RAVER1: variants seen among roughly 807,000 people sequenced by gnomAD.
RAVER1 encodes ribonucleoprotein, PTB binding 1.
A neutral mutation model predicts 68.4 loss-of-function variants in RAVER1; 36 were observed. The ratio of observed to expected loss-of-function variants is 0.53; its 90% CI spans 0.40 to 0.70. The LOEUF (loss-of-function observed/expected upper bound fraction) is 0.70, where lower values mean the gene tolerates loss of function less well. RAVER1 is among the 30% of genes least tolerant of loss of function. RAVER1 has a pLI of 0.00. For synonymous variants in RAVER1, 469 were observed against 472.7 expected, an observed-to-expected ratio of 0.99 and a Z score of 0.10; for missense variants, 933 against 1,019.8, an observed-to-expected ratio of 0.91 and a Z score of 1.16.
chr19:10,322,543 G>A lies in RAVER1; in HGVS notation c.1173+102C>T, dbSNP rs2040445453. ...CCCTCACCCTGGTTCTGCGCCCCCAGGGCACAGCCAGAGGTCCCCCCACCC... is the reference window on the plus strand; with the variant it reads ...CCCTCACCCTGGTTCTGCGCCCCCAAGGCACAGCCAGAGGTCCCCCCACCC... On this transcript the variant is annotated intron_variant, in intron 6 of 12. Coordinates refer to ENST00000617231, the MANE Select transcript of RAVER1 (RefSeq NM_133452.3). The surrounding 1 kb of genome is among the most constrained non-coding windows in gnomAD (Gnocchi z 4.3). The A allele has an allele frequency of 1.2e-6, 1 of 848,560 alleles. No homozygotes were observed. The highest frequency in any genetic ancestry group is 1.8e-6 in the Non-Finnish European group (1 of 560,596). 52.6% of individuals were successfully genotyped at this position (848,560 alleles called of 1,614,324 possible).
At position 10,328,612 on chromosome 19, in the gene RAVER1, C is replaced by T; in HGVS notation, c.756+30G>A. ...CTCTCAGGTGCTCCGGGCCTGGCAC[C>T]TGCTCCCCAATGCTCTCCACAGGGC... On this transcript the variant is annotated intron_variant, in intron 3 of 12. Coordinates refer to ENST00000617231, the MANE Select transcript of RAVER1 (RefSeq NM_133452.3). The surrounding 1 kb of genome is among the most constrained non-coding windows in gnomAD (Gnocchi z 4.4). 6.8e-7 allele frequency: 1 copy of T among 1,475,204 alleles called. No homozygotes were observed. The highest frequency in any genetic ancestry group is 9.2e-7 in the Non-Finnish European group (1 of 1,086,324). The allele number at this position is 1,475,204 out of a possible 1,614,324, so 91.4% of individuals were successfully genotyped here. A position where few individuals can be genotyped will look rare whatever the true frequency, so the allele number is the denominator to read the frequency against.
intron 3 of RAVER1, among the ~76,000 whole-genome samples, chr19:10,326,818 G>A (rs281421): frequency 0.23 from 33,594 of 146,434 alleles, 4,072 homozygotes; most frequent in Middle Eastern, 0.29. Context: ...CCAGGCTGGA[G>A]TACAGTGGCG....
At chr19:10,321,914 G>A (rs896615023) in intron 6 of RAVER1, 3 of 247,976 alleles carry the variant, frequency 1.2e-5, no homozygotes, top group Non-Finnish European at 2.3e-5. Flanking sequence ...GCCACTTTTA[G>A]TCACAGAAGG....
intron 1 of RAVER1, among the ~76,000 whole-genome samples, chr19:10,331,593 A>G (rs79709391): frequency 0.029 from 4,364 of 148,666 alleles, 84 homozygotes; most frequent in East Asian, 0.049. Context: ...GACTGAGGCA[A>G]GACAATTGCT....
At position 10,317,086 on chromosome 19, in the gene RAVER1, G is replaced by C. The variant is rs1201260633; in HGVS notation, c.*368C>G. 2 of 300,598 alleles carry C rather than the reference G, an allele frequency of 6.7e-6. No individual in the cohort carries two copies. The highest frequency in any genetic ancestry group is 1.2e-5 in the Non-Finnish European group (2 of 160,028). The allele number at this position is 300,598 out of a possible 1,614,324, so 18.6% of individuals were successfully genotyped here. A position where few individuals can be genotyped will look rare whatever the true frequency, so the allele number is the denominator to read the frequency against. On this transcript the variant is annotated 3_prime_UTR_variant, in exon 13 of 13. Coordinates refer to ENST00000617231, the MANE Select transcript of RAVER1 (RefSeq NM_133452.3). The surrounding 1 kb of genome is among the most constrained non-coding windows in gnomAD (Gnocchi z 4.3). ...AGGAGACAGTCTCTGTATCTTCACG[G>C]GAGGTCAGGGAAACCTCCAAGGCAC... is the stretch of plus-strand genomic sequence containing the variant.
chr19:10,331,683 T>TAAAAAA, intron 1 of RAVER1, among the ~76,000 whole-genome samples: 1 of 3,356 alleles, frequency 3.0e-4, no homozygotes, highest in Non-Finnish European at 7.3e-4. Flanking sequence ...AGACTCCGTC[T>TAAAAAA]CAAAAAAAAA....
intron 6 of RAVER1, 71 bp from the exon 7 acceptor site, chr19:10,321,689 A>G: frequency 8.0e-7 from 1 of 1,257,114 alleles, no homozygotes; most frequent in South Asian, 2.7e-5. Flanking sequence ...TGTGGCCCAG[A>G]GTCTTGGCAG....
chr19:10,321,565 C>T lies in RAVER1; in HGVS notation c.1227G>A (p.Gln409=). The T allele has an allele frequency of 7.3e-7, 1 of 1,374,132 alleles. No individual in the cohort carries two copies. 85.1% of individuals were successfully genotyped at this position (1,374,132 alleles called of 1,614,324 possible). A position where few individuals can be genotyped will look rare whatever the true frequency, so the allele number is the denominator to read the frequency against. The change falls in exon 7 of 13, where the codon CAG becomes CAA. Residue 409 remains glutamine, a synonymous_variant. Coordinates refer to ENST00000617231, the MANE Select transcript of RAVER1 (RefSeq NM_133452.3). ...SPLGALQPGA[Q]PANPLLGELP... ...GCTCCCCGAGGAGGGGGTTGGCTGG[C>T]TGGGCCCCAGGCTGGAGGGCGCCCA...
Position 10,321,033 on chromosome 19 carries a change from AGGGCAGGG to A in RAVER1, c.1473+7_1473+14del. ...AGGAGGCTGGTGTGGTGCCGCGCGC[AGGGCAGGG>A]CCTTACCCCAGGGGGCGTCGGCAGA... On this transcript the variant is annotated splice_region_variant and intron_variant, in intron 8 of 12. Transcript: ENST00000617231. 7.0e-7 allele frequency: 1 copy of A among 1,437,434 alleles called. No homozygotes were observed. Among genetic ancestry groups the A allele is most frequent in the Non-Finnish European group, 9.1e-7 (1 of 1,098,294 alleles). The allele number at this position is 1,437,434 out of a possible 1,614,324, so 89.0% of individuals were successfully genotyped here. A position where few individuals can be genotyped will look rare whatever the true frequency, so the allele number is the denominator to read the frequency against.
intron 8 of RAVER1, 27 bp downstream of exon 8, chr19:10,321,021 G>A (rs2040432812): frequency 4.8e-6 from 7 of 1,460,714 alleles, no homozygotes; most frequent in Non-Finnish European, 6.3e-6. Flanking sequence ...AGGCTGGTGT[G>A]GTGCCGCGCG....
intron 1 of RAVER1, among the ~76,000 whole-genome samples, chr19:10,331,944 C>T (rs1285537811): frequency 1.3e-5 from 2 of 152,104 alleles, no homozygotes; most frequent in South Asian, 4.1e-4. Flanking sequence ...GGTTCACATG[C>T]CTCCCAATTT....
rs773516441 is a variant in RAVER1 at position 10,322,727 on chromosome 19, G to A, written c.1091C>T (p.Ala364Val). Residue 364 changes from alanine to valine, a missense_variant, in exon 6 of 13, where the codon GCC (alanine) becomes GTC (valine). Transcript: ENST00000617231. The surrounding 1 kb of genome is among the most constrained non-coding windows in gnomAD (Gnocchi z 4.3). Reference protein sequence around the residue: ...SAGGKQGLLGAPPAMPLLNGP... With the variant: ...SAGGKQGLLGVPPAMPLLNGP... ...ATTGAGCAGCGGCATGGCTGGGGGG[G>A]CACCCAGGAGGCCTGGAGGGAGACA... is the stretch of plus-strand genomic sequence containing the variant. 6.6e-7 allele frequency: 1 copy of A among 1,506,380 alleles called. No homozygotes were observed. Among genetic ancestry groups the A allele is most frequent in the South Asian group, 1.4e-5 (1 of 73,804 alleles). The allele number at this position is 1,506,380 out of a possible 1,614,324, so 93.3% of individuals were successfully genotyped here.
At chr19:10,319,580 ATTTC>A (rs958357594) in intron 9 of RAVER1, among the ~76,000 whole-genome samples, 2 of 150,604 alleles carry the variant, frequency 1.3e-5, no homozygotes, top group Non-Finnish European at 1.5e-5. Flanking sequence ...CCAGTTTGCA[ATTTC>A]TTTCTTTTTT....
At position 10,321,133 on chromosome 19, in the gene RAVER1, G is replaced by A; in HGVS notation, c.1388C>T (p.Thr463Ile). 1 of 1,304,078 alleles carries A rather than the reference G, an allele frequency of 7.7e-7. No homozygotes were observed. The allele number at this position is 1,304,078 out of a possible 1,614,324, so 80.8% of individuals were successfully genotyped here. The change falls in exon 8 of 13, where the codon ACT becomes ATT. Residue 463 changes from threonine to isoleucine, a missense_variant. By Grantham distance (89) the Thr-to-Ile change is moderately conservative. Coordinates refer to ENST00000617231, the MANE Select transcript of RAVER1 (RefSeq NM_133452.3). ...LGLGPPAAQL[T>I]PPPAPVGLRG... ...GAGCCCCACAGGGGCGGGGGGAGGA[G>A]TGAGCTGGGCCGCTGGGGGACCCAA...
At chr19:10,326,763 T>G (rs979161185) in intron 3 of RAVER1, among the ~76,000 whole-genome samples, 17 of 149,868 alleles carry the variant, frequency 1.1e-4, no homozygotes, top group South Asian at 2.1e-4. Flanking sequence ...CTGTTTTTTT[T>G]TTTTTTTTTT....
rs12459144 is a variant in RAVER1 at position 10,318,114 on chromosome 19, C to T, written c.1989+115G>A. ...TACTCCACCCTGAGCAAGACCAACCCCTGCCACCACCCCAGCTTTGGCCTG... is the reference window on the plus strand; with the variant it reads ...TACTCCACCCTGAGCAAGACCAACCTCTGCCACCACCCCAGCTTTGGCCTG... On this transcript the variant is annotated intron_variant, in intron 11 of 12. Transcript: ENST00000617231. 0.2 allele frequency: 183,319 copies of T among 904,486 alleles called. 19,705 individuals carry two copies. The highest frequency in any genetic ancestry group is 0.33 in the Admixed American group (11,392 of 34,684). The allele number at this position is 904,486 out of a possible 1,614,324, so 56.0% of individuals were successfully genotyped here. A position where few individuals can be genotyped will look rare whatever the true frequency, so the allele number is the denominator to read the frequency against.
Position 10,329,268 on chromosome 19 carries a change from G to A in RAVER1, c.287-157C>T, listed in dbSNP as rs986402662. ...CAGCCTTGGCGACTCACACAGGCGAGAGCGCCTGCCATTGACTCTAGGCTC... is the reference window on the plus strand; with the variant it reads ...CAGCCTTGGCGACTCACACAGGCGAAAGCGCCTGCCATTGACTCTAGGCTC... On this transcript the variant is annotated intron_variant, in intron 2 of 12. Transcript: ENST00000617231. The surrounding 1 kb of genome is among the most constrained non-coding windows in gnomAD (Gnocchi z 4.6). Among the ~76,000 whole-genome samples the A allele has an allele frequency of 1.3e-5, 2 of 152,218 alleles. No homozygotes were observed. The highest frequency in any genetic ancestry group is 4.8e-5 in the African/African-American group (2 of 41,462).
In RAVER1 at chr19:10,318,168, C is replaced by T. The variant is rs549034405; in HGVS notation, c.1989+61G>A. On this transcript the variant is annotated intron_variant, in intron 11 of 12. Transcript: ENST00000617231. Reference sequence around the variant, plus strand: ...ACCGAGGGTTACAGAGCCCCGGTGGCAGGCACCCCCAAATCCTAGCTGTCC... The same window carrying T: ...ACCGAGGGTTACAGAGCCCCGGTGGTAGGCACCCCCAAATCCTAGCTGTCC... 1,139 of 1,457,126 alleles carry T rather than the reference C, an allele frequency of 7.8e-4. 1 individual carries two copies. Among genetic ancestry groups the T allele is most frequent in the Admixed American group, 1.5e-3 (64 of 41,886 alleles). The allele number at this position is 1,457,126 out of a possible 1,614,324, so 90.3% of individuals were successfully genotyped here.
chr19:10,320,613 G>C, intron 9 of RAVER1, 42 bp downstream of exon 9: 1 of 1,501,198 alleles, frequency 6.7e-7, no homozygotes, highest in Non-Finnish European at 8.9e-7. Flanking sequence ...TTTGGAGAAT[G>C]ATTTGGCCTT....
Sources: gnomAD v4.1 joint callset for allele counts (sites outside exome capture counted in the v4.1 genomes callset) on GRCh38, gnomAD v4.1.1 for gene constraint, Gnocchi (gnomAD v3.1) non-coding constraint, MANE v1.5 for transcripts, NCBI Gene and HGNC (gene_info 2026-07-23, HGNC 2026-07-21) for gene names.